Variants in R3HCC1L observed in about 807,000 individuals in gnomAD.
R3HCC1L encodes the protein R3H domain and coiled-coil containing 1 like, also known as coiled-coil domain-containing protein R3HCC1L.
A neutral mutation model predicts 59.9 loss-of-function variants in R3HCC1L; 51 were observed. The ratio of observed to expected loss-of-function variants is 0.85; its 90% CI spans 0.68 to 1.07. The LOEUF is 1.07. R3HCC1L is among the 50% of genes least tolerant of loss of function. The pLI is 0.00. For synonymous variants in R3HCC1L, 322 were observed against 315.2 expected (o/e 1.02, Z -0.23); for missense variants, 965 against 933.0 (o/e 1.03, Z -0.45).
chr10:98,221,761 A>C (rs560916030), intron 5 of R3HCC1L, among the ~76,000 whole-genome samples: 1 of 152,332 alleles, frequency 6.6e-6, no homozygotes, highest in East Asian at 1.9e-4. Flanking sequence ...TACCAGTACC[A>C]TGCTGTTTTG....
In R3HCC1L at chr10:98,208,623, T is replaced by G; in HGVS notation, c.509T>G (p.Ile170Ser). The G allele has an allele frequency of 6.2e-7, 1 of 1,614,070 alleles. No homozygotes were observed. ...CTTCTTTCACAGGCCTGTTTAGAAA[T>G]CAGCGAGGCTCAAGTTCCAAGCAAA... The part of the protein sequence containing the change: ...RILLSQACLE[I>S]SEAQVPSKPF... Residue 170 changes from isoleucine (I) to serine (S), a missense_variant, in exon 5 of 10, where the codon ATC becomes AGC. Coordinates refer to ENST00000298999, the MANE Select transcript of R3HCC1L (RefSeq NM_001351015.2).
intron 4 of R3HCC1L, among the ~76,000 whole-genome samples, chr10:98,195,296 G>A (rs945483877): frequency 6.6e-6 from 1 of 152,112 alleles, no homozygotes; most frequent in Non-Finnish European, 1.5e-5. Flanking sequence ...CTAGAATGGT[G>A]GTTGCCAAGG....
intron 5 of R3HCC1L, among the ~76,000 whole-genome samples, chr10:98,223,821 CT>C (rs1855345351): frequency 1.3e-5 from 2 of 152,108 alleles, no homozygotes; most frequent in African/African-American, 4.8e-5. Context: ...GGTAGTGAGT[CT>C]GGACAGGCTG....
At chr10:98,221,860 G>A (rs565318565) in intron 5 of R3HCC1L, among the ~76,000 whole-genome samples, 76 of 152,214 alleles carry the variant, frequency 5.0e-4, no homozygotes, top group Middle Eastern at 3.4e-3. Flanking sequence ...TTGGCGATTC[G>A]GGCTCTTTTT....
chr10:98,188,106 C>G (rs1850428537), intron 4 of R3HCC1L, among the ~76,000 whole-genome samples: 1 of 152,090 alleles, frequency 6.6e-6, no homozygotes, highest in African/African-American at 2.4e-5. Context: ...CACACAATCT[C>G]AAATTAAGGA....
intron 4 of R3HCC1L, among the ~76,000 whole-genome samples, chr10:98,169,303 A>G (rs1023118274): frequency 5.3e-5 from 8 of 152,226 alleles, no homozygotes; most frequent in Non-Finnish European, 7.3e-5. Context: ...AGTTAAGTGC[A>G]GGGACTTTGA....
chr10:98,224,968 G>A (rs185819696), intron 5 of R3HCC1L, among the ~76,000 whole-genome samples: 1 of 152,268 alleles, frequency 6.6e-6, no homozygotes, highest in Non-Finnish European at 1.5e-5. Context: ...TATTAGAAAA[G>A]TAATAACAGG....
At chr10:98,177,203 C>A (rs1054804735) in intron 4 of R3HCC1L, among the ~76,000 whole-genome samples, 1 of 152,048 alleles carries the variant, frequency 6.6e-6, no homozygotes, top group African/African-American at 2.4e-5. Flanking sequence ...ACAACAGGCC[C>A]CAGTGTGTGA....
intron 4 of R3HCC1L, among the ~76,000 whole-genome samples, chr10:98,189,053 A>G (rs1442541389): frequency 2.0e-5 from 3 of 152,172 alleles, no homozygotes; most frequent in Non-Finnish European, 2.9e-5. Context: ...TCATGTATTG[A>G]AGTTCATATA....
At chr10:98,144,071 C>T (rs1319003969) in intron 1 of R3HCC1L, among the ~76,000 whole-genome samples, 1 of 151,914 alleles carries the variant, frequency 6.6e-6, no homozygotes, top group Non-Finnish European at 1.5e-5. Flanking sequence ...TGTGGGGGGT[C>T]CGAAGCAAGA....
intron 7 of R3HCC1L, 90 bp downstream of exon 7, chr10:98,234,606 C>T: frequency 7.3e-7 from 1 of 1,360,546 alleles, no homozygotes; most frequent in Non-Finnish European, 1.0e-6. Context: ...AGCAAGTTGG[C>T]ATCTTATTCA....
intron 4 of R3HCC1L, 107 bp downstream of exon 4, chr10:98,163,504 G>T (rs1371362088): frequency 1.4e-6 from 1 of 704,324 alleles, no homozygotes; most frequent in Non-Finnish European, 2.1e-6. Flanking sequence ...TTTTGTAACT[G>T]TCATGTAAAA....
intron 4 of R3HCC1L, among the ~76,000 whole-genome samples, chr10:98,178,756 T>G (rs192985061): frequency 6.8e-4 from 104 of 152,336 alleles, no homozygotes; most frequent in African/African-American, 2.2e-3. Context: ...TGGTTTGTAG[T>G]TGTCCTTGAA....
intron 4 of R3HCC1L, among the ~76,000 whole-genome samples, chr10:98,185,970 A>G (rs1352170751): frequency 6.6e-6 from 1 of 152,178 alleles, no homozygotes; most frequent in African/African-American, 2.4e-5. Flanking sequence ...CAAATTAAAG[A>G]GATACTCAAA....
intron 4 of R3HCC1L, among the ~76,000 whole-genome samples, chr10:98,187,711 CAGATA>C (rs1302058763): frequency 7.1e-6 from 1 of 141,154 alleles, no homozygotes; most frequent in Non-Finnish European, 1.5e-5. Context: ...TTGAGTCAAA[CAGATA>C]AGATGTAACA....
At chr10:98,233,233 CTATT>C (rs1413087870) in intron 6 of R3HCC1L, among the ~76,000 whole-genome samples, 1 of 152,102 alleles carries the variant, frequency 6.6e-6, no homozygotes, top group Non-Finnish European at 1.5e-5. Flanking sequence ...CTCTTACAAA[CTATT>C]TACTTCCCTT....
At chr10:98,158,323 A>G (rs1313151240) in intron 2 of R3HCC1L, among the ~76,000 whole-genome samples, 4 of 152,210 alleles carry the variant, frequency 2.6e-5, no homozygotes, top group African/African-American at 7.2e-5. Context: ...TAGAGATTAT[A>G]TTCTCATTAA....
chr10:98,193,054 A>G (rs1451483058), intron 4 of R3HCC1L, among the ~76,000 whole-genome samples: 1 of 152,102 alleles, frequency 6.6e-6, no homozygotes, highest in Non-Finnish European at 1.5e-5. Context: ...CTGATTCAGT[A>G]AAAGTACTGA....
At chr10:98,158,606 G>A (rs975332456) in intron 2 of R3HCC1L, among the ~76,000 whole-genome samples, 4 of 152,216 alleles carry the variant, frequency 2.6e-5, no homozygotes, top group Admixed American at 2.0e-4. Context: ...GGACATTCTT[G>A]TATATAAGCC....
Sources: gnomAD v4.1 joint callset for allele counts (sites outside exome capture counted in the v4.1 genomes callset) on GRCh38, gnomAD v4.1.1 for gene constraint, MANE v1.5 for transcripts, NCBI Gene and HGNC (gene_info 2026-07-23, HGNC 2026-07-21) for gene names.